Variants in WDTC1 observed in about 807,000 individuals in gnomAD.
WDTC1 encodes the protein WD and tetratricopeptide repeats protein 1.
In WDTC1, 12 loss-of-function variants were observed where a neutral mutation model predicts 76.0. That is an observed-to-expected ratio of 0.16 (90% CI 0.10 to 0.26). WDTC1 has a LOEUF of 0.26. Ranked by LOEUF, WDTC1 falls within the 10% of genes least tolerant of loss-of-function variation. The pLI is 1.00. For synonymous variants in WDTC1, 326 were observed against 350.8 expected (o/e 0.93, Z 0.79); for missense variants, 511 against 908.8 (o/e 0.56, Z 5.63).
rs991143672 is a variant in WDTC1 at position 27,283,266 on chromosome 1, CTG to C, written c.180-71_180-70del. The C allele has an allele frequency of 1.4e-5, 20 of 1,396,516 alleles. No homozygotes were observed. The African/African-American group carries it at 2.5e-4, about 18-fold the overall frequency. 86.5% of individuals were successfully genotyped at this position (1,396,516 alleles called of 1,614,324 possible). ...ATTCTGTAACCTAACTCCTTGTAAA[CTG>C]AGAACATGGGATGGGGAAAGGGAGC... On this transcript the variant is annotated intron_variant, in intron 4 of 15. Transcript: ENST00000319394.
Position 27,305,037 on chromosome 1 carries a change from C to T in WDTC1, c.1680C>T (p.Gly560=). 2 of 1,614,002 alleles carry T rather than the reference C, an allele frequency of 1.2e-6. No individual in the cohort carries two copies. Among genetic ancestry groups the T allele is most frequent in the Non-Finnish European group, 1.7e-6 (2 of 1,179,950 alleles). The change falls in exon 15 of 16, where the codon GGC becomes GGT. Residue 560 remains glycine, a synonymous_variant. Coordinates refer to ENST00000319394, the MANE Select transcript of WDTC1 (RefSeq NM_001276252.2). The surrounding 1 kb of genome is among the most constrained non-coding windows in gnomAD (Gnocchi z 4.6). Reference sequence around the variant, plus strand: ...ATATCGTCAGTGGCTCTGACGATGGCTCCTTCTTCATCTGGGAAAAGGAGA... The same window carrying T: ...ATATCGTCAGTGGCTCTGACGATGGTTCCTTCTTCATCTGGGAAAAGGAGA... ...AQYIVSGSDD[G]SFFIWEKETT... is the part of the protein sequence containing the mutation.
intron 1 of WDTC1, among the ~76,000 whole-genome samples, chr1:27,254,576 CAG>C (rs1166206531): frequency 6.6e-6 from 1 of 151,800 alleles, no homozygotes; most frequent in Non-Finnish European, 1.5e-5. Context: ...GCCTGGGTGA[CAG>C]AGTGAGACTC....
chr1:27,289,068 G>A (rs1214311283), intron 6 of WDTC1, among the ~76,000 whole-genome samples: 2 of 147,046 alleles, frequency 1.4e-5, no homozygotes, highest in Non-Finnish European at 3.0e-5. Context: ...GGGGCGGCTG[G>A]CCGGGCAGGG....
chr1:27,267,935 CAT>C (rs1388763153), intron 3 of WDTC1, among the ~76,000 whole-genome samples: 4 of 152,156 alleles, frequency 2.6e-5, no homozygotes, highest in Non-Finnish European at 5.9e-5. Flanking sequence ...TCATTTGGCA[CAT>C]GTGGTTATAT....
chr1:27,241,882 C>G (rs921199133), intron 1 of WDTC1, among the ~76,000 whole-genome samples: 3 of 151,514 alleles, frequency 2.0e-5, no homozygotes, highest in Admixed American at 1.3e-4. Context: ...GGTGTGATGT[C>G]TCACACTGTT....
Position 27,301,175 on chromosome 1 carries a change from C to T in WDTC1, c.1233-51C>T, listed in dbSNP as rs764463613. On this transcript the variant is annotated intron_variant, in intron 12 of 15. Transcript: ENST00000319394. This position sits in a 1 kb window ranked among gnomAD's most constrained non-coding sequence, Gnocchi z 5.8. ...AGCAGAGGAGACTGAATGGGGACCC[C>T]TTGCTTGCCACGTGGCTCCACCTCC... is the stretch of plus-strand genomic sequence containing the variant. 53 of 1,573,930 alleles carry T rather than the reference C, an allele frequency of 3.4e-5. No homozygotes were observed. Among genetic ancestry groups the T allele is most frequent in the Admixed American group, 8.5e-5 (5 of 58,954 alleles).
chr1:27,253,687 A>G (rs1392771686), intron 1 of WDTC1, among the ~76,000 whole-genome samples: 1 of 151,768 alleles, frequency 6.6e-6, no homozygotes, highest in Non-Finnish European at 1.5e-5. Context: ...GCCTGGCAAA[A>G]TAGACATTGA....
At chr1:27,290,648 C>G (rs2013510851) in intron 6 of WDTC1, among the ~76,000 whole-genome samples, 1 of 152,160 alleles carries the variant, frequency 6.6e-6, no homozygotes, top group South Asian at 2.1e-4. Context: ...ACACATTTGC[C>G]TCTACTTCCC....
At chr1:27,286,308 TTTTTG>T (rs1394486979) in intron 5 of WDTC1, among the ~76,000 whole-genome samples, 1 of 150,408 alleles carries the variant, frequency 6.6e-6, no homozygotes, top group Non-Finnish European at 1.5e-5. Flanking sequence ...TGGCCGGTTT[TTTTTG>T]TTTTTTTTTT....
intron 1 of WDTC1, among the ~76,000 whole-genome samples, chr1:27,252,339 C>T (rs1423873890): frequency 6.6e-6 from 1 of 151,934 alleles, no homozygotes; most frequent in Non-Finnish European, 1.5e-5. Flanking sequence ...GGCAACTGAG[C>T]GAGATCCTGT....
rs560928502 is a variant in WDTC1, at chr1:27,252,784, C to T, written c.-99-8172C>T. Among the ~76,000 whole-genome samples the T allele has an allele frequency of 3.1e-4, 47 of 151,074 alleles. 2 individuals carry two copies. In the East Asian group the frequency reaches 7.5e-3, roughly 24 times the overall value. ...CTGCACCCCAGCCTGGGTGACAGAC[C>T]GAGACTCCGTCTCAAAAAAAGAAAA... On this transcript the variant is annotated intron_variant, in intron 1 of 15. Transcript: ENST00000319394.
At chr1:27,261,181 A>G in intron 2 of WDTC1, 79 bp downstream of exon 2, 1 of 1,570,910 alleles carries the variant, frequency 6.4e-7, no homozygotes, top group East Asian at 2.3e-5. Flanking sequence ...AAAAAACTGA[A>G]ATCTATAGTC....
At chr1:27,295,993 T>C (rs1403265057) in intron 9 of WDTC1, among the ~76,000 whole-genome samples, 1 of 152,168 alleles carries the variant, frequency 6.6e-6, no homozygotes, top group Non-Finnish European at 1.5e-5. Context: ...CTCAAACTCC[T>C]GGGCTCAAGC....
rs553234517 is a variant in WDTC1 at position 27,261,006 on chromosome 1, G to A, written c.-49G>A. On this transcript the variant is annotated 5_prime_UTR_variant, in exon 2 of 16. Coordinates refer to ENST00000319394, the MANE Select transcript of WDTC1 (RefSeq NM_001276252.2). ...CTGGGCTTGGCTGGAATGCTCAGGGGTCCTGAAGATCCTATTATAGCTTCC... is the reference window on the plus strand; with the variant it reads ...CTGGGCTTGGCTGGAATGCTCAGGGATCCTGAAGATCCTATTATAGCTTCC... 4 of 1,605,844 alleles carry A rather than the reference G, an allele frequency of 2.5e-6. No homozygotes were observed. The highest frequency in any genetic ancestry group is 2.2e-5 in the East Asian group (1 of 44,832).
At chr1:27,283,235 C>A (rs1341633308) in intron 4 of WDTC1, 103 bp from the exon 5 acceptor site, 16 of 988,892 alleles carry the variant, frequency 1.6e-5, no homozygotes, top group Non-Finnish European at 2.5e-5. Flanking sequence ...ATTTACTGTT[C>A]TTCAAATTCT....
intron 3 of WDTC1, among the ~76,000 whole-genome samples, chr1:27,267,487 A>G (rs1441116391): frequency 6.6e-6 from 1 of 151,890 alleles, no homozygotes; most frequent in African/African-American, 2.4e-5. Flanking sequence ...CAAGTGATCC[A>G]CTCACCTTAT....
Position 27,283,465 on chromosome 1 carries a change from C to T in WDTC1, c.291+16C>T, listed in dbSNP as rs779257736. The stretch of plus-strand genomic sequence containing the variant: ...CTCTGTCAAGGTGAGCAGGACAAGC[C>T]ACAGAGCAAGCACAAGCCACAGATC... On this transcript the variant is annotated intron_variant, in intron 5 of 15. Coordinates refer to ENST00000319394, the MANE Select transcript of WDTC1 (RefSeq NM_001276252.2). The T allele has an allele frequency of 6.2e-7, 1 of 1,609,712 alleles. No individual in the cohort carries two copies. Among genetic ancestry groups the T allele is most frequent in the South Asian group, 1.1e-5 (1 of 91,026 alleles).
At chr1:27,266,837 T>C (rs528196011) in intron 3 of WDTC1, among the ~76,000 whole-genome samples, 341 of 152,338 alleles carry the variant, frequency 2.2e-3, no homozygotes, top group African/African-American at 7.7e-3. Flanking sequence ...TGGTTACTGG[T>C]TATGTTTTCT....
At chr1:27,259,557 C>T (rs879323672) in intron 1 of WDTC1, among the ~76,000 whole-genome samples, 4 of 151,968 alleles carry the variant, frequency 2.6e-5, no homozygotes, top group Non-Finnish European at 5.9e-5. Context: ...AACTCCTGGG[C>T]TCAAGTGATT....
Sources: allele counts gnomAD v4.1 joint callset (sites outside exome capture counted in the v4.1 genomes callset), GRCh38; gene constraint gnomAD v4.1.1; non-coding constraint Gnocchi (gnomAD v3.1); transcripts MANE v1.5; gene names NCBI Gene and HGNC (gene_info 2026-07-23, HGNC 2026-07-21).